Variants in CWF19L2 observed in about 807,000 individuals in gnomAD.
CWF19L2 encodes CWF19 like cell cycle control factor 2.
In CWF19L2, 98 loss-of-function variants were observed where a neutral mutation model predicts 111.7. The observed-to-expected ratio is 0.88, with a 90% CI of 0.75 to 1.04. CWF19L2 has a LOEUF of 1.04. Ranked by LOEUF, CWF19L2 falls within the 50% of genes least tolerant of loss-of-function variation. The probability of loss-of-function intolerance (pLI) is 0.00; values close to 1 mark genes in which losing one functional copy is unlikely to be tolerated. For synonymous variants in CWF19L2, 351 were observed against 342.9 expected (o/e 1.02, Z -0.26); for missense variants, 1,101 against 1,051.4 (o/e 1.05, Z -0.65).
At chr11:107,426,169 C>T (rs1392485751) in intron 8 of CWF19L2, among the ~76,000 whole-genome samples, 1 of 144,970 alleles carries the variant, frequency 6.9e-6, no homozygotes, top group Non-Finnish European at 1.6e-5. Context: ...AGAGCTCTCA[C>T]AAACAAACAA....
intron 6 of CWF19L2, among the ~76,000 whole-genome samples, chr11:107,434,152 A>G (rs1345597121): frequency 6.6e-6 from 1 of 151,852 alleles, no homozygotes; most frequent in African/African-American, 2.4e-5. Context: ...TCTATTTCAA[A>G]CAGGCAAGGG....
chr11:107,434,007 A>G (rs945279470), intron 6 of CWF19L2, among the ~76,000 whole-genome samples: 19 of 150,028 alleles, frequency 1.3e-4, no homozygotes, highest in Non-Finnish European at 2.7e-4. Flanking sequence ...GCAATCTAAG[A>G]GAATAAGAAT....
chr11:107,409,426 C>A (rs1861126618), intron 10 of CWF19L2, among the ~76,000 whole-genome samples: 1 of 152,120 alleles, frequency 6.6e-6, no homozygotes, highest in Admixed American at 6.5e-5. Flanking sequence ...TCCTCTTTAT[C>A]AGCAGTGTAG....
chr11:107,390,887 G>A (rs1860837016), intron 11 of CWF19L2, among the ~76,000 whole-genome samples: 1 of 152,168 alleles, frequency 6.6e-6, no homozygotes, highest in Non-Finnish European at 1.5e-5. Context: ...CCCACCCTCA[G>A]TGTGGGTGGG....
At chr11:107,417,390 TAAATC>T (rs545851507) in intron 9 of CWF19L2, among the ~76,000 whole-genome samples, 3 of 152,198 alleles carry the variant, frequency 2.0e-5, no homozygotes, top group East Asian at 1.9e-4. Flanking sequence ...AAATTAGTCT[TAAATC>T]AAACATTACT....
chr11:107,403,237 A>T (rs7358412), intron 10 of CWF19L2, among the ~76,000 whole-genome samples: 2,564 of 151,436 alleles, frequency 0.017, 76 homozygotes, highest in African/African-American at 0.058. Flanking sequence ...CCACTGGTAT[A>T]AAAAAAAATT....
chr11:107,356,175 G>C (rs1289027095), intron 12 of CWF19L2, among the ~76,000 whole-genome samples: 1 of 152,060 alleles, frequency 6.6e-6, no homozygotes, highest in African/African-American at 2.4e-5. Flanking sequence ...AATGAGAAAT[G>C]ACTTTAAACA....
intron 7 of CWF19L2, among the ~76,000 whole-genome samples, chr11:107,429,995 T>C (rs535629): frequency 0.26 from 39,983 of 151,782 alleles, 5,546 homozygotes; most frequent in African/African-American, 0.33. Flanking sequence ...GAAAAAAAGA[T>C]ACATGAACAA....
chr11:107,410,349 G>A (rs988655193), intron 10 of CWF19L2, among the ~76,000 whole-genome samples: 8 of 152,116 alleles, frequency 5.3e-5, no homozygotes, highest in Admixed American at 2.0e-4. Context: ...TTTAGTTGCA[G>A]TAGAGAATTC....
chr11:107,429,158 C>G lies in CWF19L2; in HGVS notation c.1074G>C (p.Glu358Asp), dbSNP rs777104807. Residue 358 changes from glutamate to aspartate, a missense_variant, in exon 8 of 18, where the codon GAG becomes GAC. Physicochemically the swap from Glu to Asp is conservative, Grantham distance 45 (BLOSUM62 2). Transcript: ENST00000282251. Reference protein sequence around the residue: ...RRESNPRQNQEFSFGNLRAKF... With the variant: ...RRESNPRQNQDFSFGNLRAKF... ...TAGCTCTCAAATTGCCAAAAGAAAA[C>G]TCTTGATTTTGCCTTGGGTTAGATT... is the stretch of plus-strand genomic sequence containing the variant. The G allele has an allele frequency of 2.5e-6, 4 of 1,613,822 alleles. No individual in the cohort carries two copies. The highest frequency in any genetic ancestry group is 3.4e-6 in the Non-Finnish European group (4 of 1,179,804).
Position 107,441,517 on chromosome 11 carries a change from G to C in CWF19L2, c.556C>G (p.Gln186Glu). ...TATTCTCTTACCTGTTCAAGCGCTT[G>C]GTTTTTCTCTTGCTCTATTTTCCTC... ...TMRKIEQEKNQALEQSKLMER... is the reference protein window; with the variant it reads ...TMRKIEQEKNEALEQSKLMER... The change falls in exon 5 of 18, where the codon CAA becomes GAA. Residue 186 changes from glutamine to glutamate, a missense_variant. By Grantham distance (29) the Gln-to-Glu change is conservative. Transcript: ENST00000282251. 1 of 1,539,054 alleles carries C rather than the reference G, an allele frequency of 6.5e-7. No individual in the cohort carries two copies. The highest frequency in any genetic ancestry group is 8.7e-7 in the Non-Finnish European group (1 of 1,142,898).
At chr11:107,416,788 C>T (rs1861232607) in intron 9 of CWF19L2, among the ~76,000 whole-genome samples, 1 of 152,086 alleles carries the variant, frequency 6.6e-6, no homozygotes, top group South Asian at 2.1e-4. Flanking sequence ...TGAAGTAATA[C>T]ATTAAATAAG....
chr11:107,327,143 A>T, intron 17 of CWF19L2, 90 bp from the exon 18 acceptor site: 1 of 1,237,168 alleles, frequency 8.1e-7, no homozygotes, highest in East Asian at 2.6e-5. Flanking sequence ...GCTATAAAAT[A>T]TAACAAGTTC....
chr11:107,372,347 T>C (rs952402123), intron 12 of CWF19L2, among the ~76,000 whole-genome samples: 1 of 126,320 alleles, frequency 7.9e-6, no homozygotes. Flanking sequence ...TTTAATCAAC[T>C]AGATAAAGGG....
At chr11:107,425,326 C>A (rs1300581812) in intron 8 of CWF19L2, among the ~76,000 whole-genome samples, 2 of 151,816 alleles carry the variant, frequency 1.3e-5, no homozygotes, top group African/African-American at 4.8e-5. Flanking sequence ...CACTCAACGA[C>A]AGACCACATG....
intron 14 of CWF19L2, among the ~76,000 whole-genome samples, chr11:107,344,421 T>C (rs533145221): frequency 3.2e-4 from 49 of 152,344 alleles, no homozygotes; most frequent in African/African-American, 1.1e-3. Context: ...CTGATGACAA[T>C]TTCTCTTTGT....
At chr11:107,402,211 T>TA (rs2135385296) in intron 10 of CWF19L2, among the ~76,000 whole-genome samples, 1 of 151,866 alleles carries the variant, frequency 6.6e-6, no homozygotes, top group Admixed American at 6.6e-5. Flanking sequence ...GTAAATGCAA[T>TA]AAAAACAAAG....
intron 3 of CWF19L2, among the ~76,000 whole-genome samples, chr11:107,444,843 T>C (rs1861679080): frequency 6.6e-6 from 1 of 152,198 alleles, no homozygotes; most frequent in African/African-American, 2.4e-5. Flanking sequence ...CATTTTCATT[T>C]TTAAAATATT....
At chr11:107,349,584 T>TA (rs1366537963) in intron 13 of CWF19L2, among the ~76,000 whole-genome samples, 1 of 150,478 alleles carries the variant, frequency 6.6e-6, no homozygotes, top group Non-Finnish European at 1.5e-5. Context: ...ATGTATTACC[T>TA]AAAAACTGGT....
Sources: gnomAD v4.1 joint callset for allele counts (sites outside exome capture counted in the v4.1 genomes callset) on GRCh38, gnomAD v4.1.1 for gene constraint, MANE v1.5 for transcripts, NCBI Gene and HGNC (gene_info 2026-07-23, HGNC 2026-07-21) for gene names.